MLC1: variants seen among roughly 807,000 people sequenced by gnomAD.
MLC1 encodes the protein modulator of VRAC current 1.
MLC1 carries 32 observed loss-of-function variants against 44.7 expected under a neutral mutation model. That is an observed-to-expected ratio of 0.72 (90% confidence interval 0.54 to 0.96). The LOEUF is 0.96. Among genes scored for constraint, MLC1 ranks in the 40% least tolerant of loss-of-function variants. The pLI is 0.00. For synonymous variants in MLC1, 190 were observed against 213.0 expected, an observed-to-expected ratio of 0.89 and a Z score of 0.94; for missense variants, 459 against 492.2, an observed-to-expected ratio of 0.93 and a Z score of 0.64.
Position 50,083,311 on chromosome 22 carries a change from G to T in MLC1, c.178-138C>A, listed in dbSNP as rs2062194554. The stretch of plus-strand genomic sequence containing the variant: ...CAGCATCAACCACACCCGCACCTGG[G>T]ACCCGCCCATCCTGGACTCCTCCTG... On this transcript the variant is annotated intron_variant, in intron 2 of 11. Coordinates refer to ENST00000311597, the MANE Select transcript of MLC1 (RefSeq NM_015166.4). This position sits in a 1 kb window ranked among gnomAD's most constrained non-coding sequence, Gnocchi z 4.6. 2.6e-6 allele frequency: 2 copies of T among 777,662 alleles called. No homozygotes were observed. Among genetic ancestry groups the T allele is most frequent in the Non-Finnish European group, 4.4e-6 (2 of 456,286 alleles). The allele number at this position is 777,662 out of a possible 1,614,324, so 48.2% of individuals were successfully genotyped here.
intron 4 of MLC1, 151 bp downstream of exon 4, chr22:50,080,193 A>G: frequency 8.8e-7 from 1 of 1,137,860 alleles, no homozygotes; most frequent in Non-Finnish European, 1.3e-6. Flanking sequence ...TGGGCTGGGC[A>G]GGAGCTTTAC....
At chr22:50,068,689 T>A in intron 9 of MLC1, 134 bp from the exon 10 acceptor site, 1 of 903,318 alleles carries the variant, frequency 1.1e-6, no homozygotes, top group Non-Finnish European at 1.8e-6. Flanking sequence ...CCTGCATGAC[T>A]CCTGCTGAAA....
chr22:50,072,026 C>T (rs2061864665), intron 8 of MLC1, among the ~76,000 whole-genome samples: 1 of 152,200 alleles, frequency 6.6e-6, no homozygotes, highest in Non-Finnish European at 1.5e-5. Context: ...GTGGGTGTGG[C>T]CCTGGCCAGG....
At chr22:50,076,540 G>A (rs1163260960) in intron 7 of MLC1, among the ~76,000 whole-genome samples, 2 of 151,102 alleles carry the variant, frequency 1.3e-5, no homozygotes, top group Non-Finnish European at 2.9e-5. Flanking sequence ...GGCTGATGGA[G>A]TGAGACTCCG....
intron 9 of MLC1, 133 bp from the exon 10 acceptor site, chr22:50,068,688 C>A: frequency 1.1e-6 from 1 of 924,894 alleles, no homozygotes; most frequent in East Asian, 2.5e-5. Context: ...CCCTGCATGA[C>A]TCCTGCTGAA....
intron 10 of MLC1, among the ~76,000 whole-genome samples, chr22:50,066,974 C>T (rs1461217273): frequency 2.6e-5 from 4 of 152,266 alleles, no homozygotes; most frequent in South Asian, 2.1e-4. Context: ...ACTTCGATGG[C>T]GTGTGGCCGT....
chr22:50,085,082 A>G (rs1243040108), intron 1 of MLC1, 121 bp from the exon 2 acceptor site: 1 of 1,451,306 alleles, frequency 6.9e-7, no homozygotes, highest in African/African-American at 1.4e-5. Context: ...TTTGAAGAAG[A>G]AAATGAGCAC....
At position 50,059,809 on chromosome 22, in the gene MLC1, C is replaced by G. The variant is rs968280363; in HGVS notation, c.*1774G>C. On this transcript the variant is annotated 3_prime_UTR_variant, in exon 12 of 12. Coordinates refer to ENST00000311597, the MANE Select transcript of MLC1 (RefSeq NM_015166.4). ...CCCTGACTGTGTCCTTCCGGAGCTG[C>G]CGAGGACTGCAGAGAGGGCCTGGCT... 1 of 152,340 alleles carries G rather than the reference C, an allele frequency of 6.6e-6. No individual in the cohort carries two copies. Among genetic ancestry groups the G allele is most frequent in the Non-Finnish European group, 1.5e-5 (1 of 68,060 alleles). The allele number at this position is 152,340 out of a possible 1,614,324, so 9.4% of individuals were successfully genotyped here.
At chr22:50,064,888 A>G (rs1366038054) in intron 10 of MLC1, among the ~76,000 whole-genome samples, 1 of 151,476 alleles carries the variant, frequency 6.6e-6, no homozygotes, top group Non-Finnish European at 1.5e-5. Flanking sequence ...TGCTACAAAA[A>G]GTAAGAGAAG....
rs1343684056 is a variant in MLC1 at position 50,061,405 on chromosome 22, C to A, written c.*178G>T. On this transcript the variant is annotated 3_prime_UTR_variant, in exon 12 of 12. Coordinates refer to ENST00000311597, the MANE Select transcript of MLC1 (RefSeq NM_015166.4). ...TCTCACTGAGGCACAGACTAGCCAA[C>A]ATTGGCCTATTTTAAAATTAAACTA... The A allele has an allele frequency of 2.9e-6, 2 of 678,356 alleles. No individual in the cohort carries two copies. Among genetic ancestry groups the A allele is most frequent in the East Asian group, 2.7e-5 (1 of 36,814 alleles). The allele number at this position is 678,356 out of a possible 1,614,324, so 42.0% of individuals were successfully genotyped here.
rs192828772 is a variant in MLC1 at position 50,059,621 on chromosome 22, C to T, written c.*1962G>A. 5 of 152,460 alleles carry T rather than the reference C, an allele frequency of 3.3e-5. No individual in the cohort carries two copies. The highest frequency in any genetic ancestry group is 1.9e-4 in the East Asian group (1 of 5,290). The allele number at this position is 152,460 out of a possible 1,614,324, so 9.4% of individuals were successfully genotyped here. ...AGCCCGCCCCGGGTCGTCCCTGTGGCTCCCACCCCATTCCCAGGAGCAGAC... is the reference window on the plus strand; with the variant it reads ...AGCCCGCCCCGGGTCGTCCCTGTGGTTCCCACCCCATTCCCAGGAGCAGAC... On this transcript the variant is annotated 3_prime_UTR_variant, in exon 12 of 12. Transcript: ENST00000311597.
intron 9 of MLC1, among the ~76,000 whole-genome samples, chr22:50,070,134 G>A (rs904801093): frequency 2.0e-5 from 3 of 152,014 alleles, no homozygotes; most frequent in Non-Finnish European, 1.5e-5. Context: ...CCCGGGAGGC[G>A]GAGGTTGCAG....
At chr22:50,066,379 G>C (rs1343692611) in intron 10 of MLC1, among the ~76,000 whole-genome samples, 2 of 152,120 alleles carry the variant, frequency 1.3e-5, no homozygotes, top group Non-Finnish European at 2.9e-5. Flanking sequence ...GAGGTATATG[G>C]CTGGGCACGG....
intron 10 of MLC1, 50 bp from the exon 11 acceptor site, chr22:50,064,248 C>T (rs2061656410): frequency 6.4e-7 from 1 of 1,550,498 alleles, no homozygotes. Flanking sequence ...CCCTCCAGCC[C>T]AGGAGACCAA....
At chr22:50,075,315 A>C (rs2061953241) in intron 7 of MLC1, among the ~76,000 whole-genome samples, 1 of 152,226 alleles carries the variant, frequency 6.6e-6, no homozygotes, top group African/African-American at 2.4e-5. Flanking sequence ...CCAGCAGGAA[A>C]GCCAGGCATA....
chr22:50,063,772 T>TCACCTCCCC (rs1569241581), intron 11 of MLC1, among the ~76,000 whole-genome samples: 6 of 7,876 alleles, frequency 7.6e-4, no homozygotes, highest in Non-Finnish European at 1.1e-3. Flanking sequence ...CTCACCTCCC[T>TCACCTCCCC]GGCTGGGCCC....
chr22:50,085,308 A>T, intron 1 of MLC1, 47 bp downstream of exon 1: 1 of 697,426 alleles, frequency 1.4e-6, no homozygotes, highest in Non-Finnish European at 1.9e-6. Flanking sequence ...TAAACGAGAG[A>T]TTGCAAAACA....
At chr22:50,068,387 C>T (rs751156941) in intron 10 of MLC1, 46 bp downstream of exon 10, 7 of 1,607,742 alleles carry the variant, frequency 4.4e-6, no homozygotes, top group Middle Eastern at 1.7e-4. Context: ...GGCCAACACG[C>T]AGAGCACCAC....
At chr22:50,062,288 TCCATCCTGAGCCCCAGCCGC>T (rs2061587203) in intron 11 of MLC1, among the ~76,000 whole-genome samples, 1 of 103,698 alleles carries the variant, frequency 9.6e-6, no homozygotes, top group African/African-American at 3.4e-5. Flanking sequence ...GCCCCAGCCG[TCCATCCTGAGCCCCAGCCGC>T]CCACCCTGAG....
Sources: allele counts gnomAD v4.1 joint callset (sites outside exome capture counted in the v4.1 genomes callset), GRCh38; gene constraint gnomAD v4.1.1; non-coding constraint Gnocchi (gnomAD v3.1); transcripts MANE v1.5; gene names NCBI Gene and HGNC (gene_info 2026-07-23, HGNC 2026-07-21).